Variants in MIAT observed in about 807,000 individuals in gnomAD.
The protein encoded by MIAT is myocardial infarction associated transcript.
rs141619257 is a variant in MIAT at position 26,657,284 on chromosome 22, G to A, written n.647-6032G>A. 129 of 386,368 alleles carry A rather than the reference G, an allele frequency of 3.3e-4. No individual in the cohort carries two copies. The East Asian group carries it at 3.8e-3, about 11-fold the overall frequency. The allele number at this position is 386,368 out of a possible 1,614,324, so 23.9% of individuals were successfully genotyped here. ...CACCGGCCAGCTAGCCCCTTTGTGC[G>A]GCGGGGGCTGCGGAGTGCTCCCTCC... On this transcript the variant is annotated intron_variant and non_coding_transcript_variant, in intron 2 of 5. Transcript: ENST00000643270.
At chr22:26,662,200 T>G (rs1930702920) in intron 2 of MIAT, among the ~76,000 whole-genome samples, 1 of 152,048 alleles carries the variant, frequency 6.6e-6, no homozygotes, top group Admixed American at 6.6e-5. Context: ...CAAGCAATTC[T>G]CCTGCCTCTG....
chr22:26,656,942 C>G (rs1930476506), intron 2 of MIAT, among the ~76,000 whole-genome samples: 1 of 152,180 alleles, frequency 6.6e-6, no homozygotes, highest in Non-Finnish European at 1.5e-5. Flanking sequence ...ATAAAAAATT[C>G]AAGATTAAAC....
At chr22:26,659,072 G>A (rs1374592534) in intron 2 of MIAT, among the ~76,000 whole-genome samples, 1 of 152,126 alleles carries the variant, frequency 6.6e-6, no homozygotes, top group Non-Finnish European at 1.5e-5. Flanking sequence ...GCAGATGTCT[G>A]AGCCACGTGG....
chr22:26,663,480 C>T (rs568086916), intron 3 of MIAT: 131 of 397,554 alleles, frequency 3.3e-4, no homozygotes, highest in Middle Eastern at 1.9e-3. Flanking sequence ...TCACGAAATC[C>T]GTATGTCCTG....
At chr22:26,663,035 C>G (rs1159768324) in intron 2 of MIAT, among the ~76,000 whole-genome samples, 1 of 152,212 alleles carries the variant, frequency 6.6e-6, no homozygotes, top group Non-Finnish European at 1.5e-5. Flanking sequence ...GATGAGAAGA[C>G]TGAGGTTCAC....
At chr22:26,654,669 G>A (rs988869878) in intron 2 of MIAT, among the ~76,000 whole-genome samples, 1 of 151,938 alleles carries the variant, frequency 6.6e-6, no homozygotes, top group Non-Finnish European at 1.5e-5. Context: ...CTCCAGCCTG[G>A]GCAACAGGGC....
downstream of MIAT, chr22:26,673,609 C>T (rs1429156815): frequency 2.5e-6 from 1 of 398,724 alleles, no homozygotes; most frequent in Admixed American, 4.4e-5. Flanking sequence ...CTGTTAACAG[C>T]TTGGATGTCG....
exon 5 of MIAT, chr22:26,675,867 A>G (rs1298627079): frequency 5.0e-6 from 2 of 398,556 alleles, no homozygotes; most frequent in African/African-American, 4.1e-5. Flanking sequence ...TTGGTGGGTA[A>G]TGAACCTTTT....
chr22:26,660,415 C>T (rs1449308021), intron 2 of MIAT, among the ~76,000 whole-genome samples: 1 of 132,692 alleles, frequency 7.5e-6, no homozygotes, highest in Non-Finnish European at 1.5e-5. Context: ...TTGCAATAAG[C>T]AGAGATTACA....
At chr22:26,672,827 T>C (rs139887851), downstream of MIAT, 125 of 398,478 alleles carry the variant, frequency 3.1e-4, 1 homozygote, top group African/African-American at 2.2e-3. Context: ...GAGTATTTAG[T>C]ACACAGGAAG....
At chr22:26,666,658 A>G (rs1346141090) in exon 4 of MIAT, 1 of 398,460 alleles carries the variant, frequency 2.5e-6, no homozygotes, top group African/African-American at 2.1e-5. Flanking sequence ...GAGTGAAGGG[A>G]ACCTGGGAAC....
intron 2 of MIAT, among the ~76,000 whole-genome samples, chr22:26,653,233 C>T (rs1022730961): frequency 2.6e-5 from 4 of 152,202 alleles, no homozygotes; most frequent in Admixed American, 2.6e-4. Context: ...CAGAAATGTA[C>T]CATGTTAGAG....
chr22:26,667,088 T>C, intron 4 of MIAT: 1 of 339,996 alleles, frequency 2.9e-6, no homozygotes, highest in Non-Finnish European at 5.2e-6. Context: ...GTGGCTGGAA[T>C]GCTTGCTCTG....
intron 2 of MIAT, chr22:26,650,651 C>T (rs769921336): frequency 3.3e-5 from 5 of 152,244 alleles, no homozygotes; most frequent in Non-Finnish European, 7.3e-5. Context: ...TTTTGGAGAC[C>T]ACTGAGCTCT....
Position 26,647,752 on chromosome 22 carries a change from G to A in MIAT, n.646+441G>A, listed in dbSNP as rs113214271. On this transcript the variant is annotated intron_variant and non_coding_transcript_variant, in intron 2 of 5. Transcript: ENST00000643270. ...CAGAATCTTCAGGCTGCTGCAGCAA[G>A]GAGAACAGACTGGGGGGAAGCCCAG... Among the ~76,000 whole-genome samples, 333 of 152,194 alleles carry A rather than the reference G, an allele frequency of 2.2e-3. 1 individual carries two copies. The highest frequency in any genetic ancestry group is 7.6e-3 in the African/African-American group (317 of 41,512).
At chr22:26,654,652 C>T (rs1930391325) in intron 2 of MIAT, among the ~76,000 whole-genome samples, 1 of 152,176 alleles carries the variant, frequency 6.6e-6, no homozygotes, top group Admixed American at 6.5e-5. Context: ...TGATCCTTGT[C>T]ACTGCACTCC....
rs577103794 is a variant in MIAT at position 26,652,200 on chromosome 22, G to T, written n.646+4889G>T. Among the ~76,000 whole-genome samples, 184 of 152,144 alleles carry T rather than the reference G, an allele frequency of 1.2e-3. 2 individuals are homozygous for T. The highest frequency in any genetic ancestry group is 0.01 in the Middle Eastern group (3 of 294). On this transcript the variant is annotated intron_variant and non_coding_transcript_variant, in intron 2 of 5. Transcript: ENST00000643270. Reference sequence around the variant, plus strand: ...CTGTAGAGATGCGGTGGAGCCGGGGGTCGATCTCATTATGTTGCCCAGGCT... The same window carrying T: ...CTGTAGAGATGCGGTGGAGCCGGGGTTCGATCTCATTATGTTGCCCAGGCT...
chr22:26,668,026 G>A (rs966923667), intron 5 of MIAT: 17 of 397,334 alleles, frequency 4.3e-5, no homozygotes, highest in African/African-American at 3.3e-4. Flanking sequence ...CCCTGTGTGT[G>A]TGCTGGGGGC....
chr22:26,671,809 T>C, downstream of MIAT: 1 of 397,742 alleles, frequency 2.5e-6, no homozygotes, highest in Non-Finnish European at 4.4e-6. Context: ...AATATAAGGG[T>C]CTCAGCACAT....
Sources: allele counts gnomAD v4.1 joint callset (sites outside exome capture counted in the v4.1 genomes callset), GRCh38; gene constraint gnomAD v4.1.1; transcripts MANE v1.5; gene names NCBI Gene and HGNC (gene_info 2026-07-23, HGNC 2026-07-21).